STMN1: variants seen among roughly 807,000 people sequenced by gnomAD.
The protein encoded by STMN1 is stathmin 1.
A neutral mutation model predicts 19.7 loss-of-function variants in STMN1; 3 were observed. The ratio of observed to expected loss-of-function variants is 0.15; its 90% CI spans 0.07 to 0.39. The LOEUF (loss-of-function observed/expected upper bound fraction) is 0.39, where lower values mean the gene tolerates loss of function less well. Among genes scored for constraint, STMN1 ranks in the 10% least tolerant of loss-of-function variants. The probability of loss-of-function intolerance (pLI) is 1.00; values close to 1 mark genes in which losing one functional copy is unlikely to be tolerated. For synonymous variants in STMN1, 59 were observed against 58.9 expected (o/e 1.00, Z -0.01); for missense variants, 99 against 176.0 (o/e 0.56, Z 2.48).
At chr1:25,891,204 G>A (rs911290186) in intron 4 of STMN1, among the ~76,000 whole-genome samples, 7 of 151,870 alleles carry the variant, frequency 4.6e-5, no homozygotes, top group African/African-American at 1.7e-4. Flanking sequence ...ATGGTGGCAG[G>A]CACCTGTAAT....
At chr1:25,904,415 C>T (rs767939671) in intron 2 of STMN1, among the ~76,000 whole-genome samples, 3 of 152,242 alleles carry the variant, frequency 2.0e-5, no homozygotes, top group Admixed American at 6.5e-5. Context: ...ATCTGACAAT[C>T]GCTTTCATAA....
chr1:25,885,611 C>G, exon 5 of STMN1: 2 of 1,371,228 alleles, frequency 1.5e-6, no homozygotes, highest in Non-Finnish European at 1.9e-6. Flanking sequence ...GAATCCAAGT[C>G]TGCCTGACCC....
rs538074058 is a variant in STMN1 at position 25,901,602 on chromosome 1, C to T, written c.267G>A (p.Glu89=). ...CTGCCATTTTACTGAAGTTGTTGTT[C>T]TCTTCTATTGCCTTCTGAAGCACTT... is the stretch of plus-strand genomic sequence containing the variant. ...EKEVLQKAIE[E]NNNFSKMAEE... The change falls in exon 4 of 5, where the codon GAG becomes GAA. Residue 89 remains glutamate (E), a synonymous_variant. Transcript: ENST00000455785. 1 of 1,614,082 alleles carries T rather than the reference C, an allele frequency of 6.2e-7. No individual in the cohort carries two copies.
chr1:25,902,203 C>A (rs1004498499), intron 3 of STMN1: 3 of 152,180 alleles, frequency 2.0e-5, no homozygotes, highest in African/African-American at 2.4e-5. Context: ...CTTATCTGTT[C>A]AGAAATCTTA....
intron 4 of STMN1, among the ~76,000 whole-genome samples, chr1:25,894,704 C>T (rs1572296605): frequency 6.6e-6 from 1 of 152,122 alleles, no homozygotes; most frequent in South Asian, 2.1e-4. Flanking sequence ...GACACTGGGG[C>T]TCCAATTTTA....
Position 25,900,958 on chromosome 1 carries a change from A to T in STMN1, c.*58T>A. 6.2e-7 allele frequency: 1 copy of T among 1,612,430 alleles called. No homozygotes were observed. Among genetic ancestry groups the T allele is most frequent in the Non-Finnish European group, 8.5e-7 (1 of 1,179,472 alleles). ...GGGAAAAAATAAAATGACACTGGCCAGTACAGTCTTTGGATATTTAGGAAG... is the reference window on the plus strand; with the variant it reads ...GGGAAAAAATAAAATGACACTGGCCTGTACAGTCTTTGGATATTTAGGAAG... On this transcript the variant is annotated 3_prime_UTR_variant, in exon 5 of 5. Transcript: ENST00000455785.
chr1:25,904,745 ATGATTTTC>A lies in STMN1; in HGVS notation c.-62-15_-62-8del. 6.3e-7 allele frequency: 1 copy of A among 1,592,344 alleles called. No individual in the cohort carries two copies. The highest frequency in any genetic ancestry group is 8.5e-7 in the Non-Finnish European group (1 of 1,172,646). ...AACTGGGATAAGGAAAGTCCTGAAA[ATGATTTTC>A]AAAAACATGCAATCACTTTCTTTGC... On this transcript the variant is annotated splice_region_variant and splice_polypyrimidine_tract_variant and intron_variant, in intron 1 of 4. Transcript: ENST00000455785.
intron 4 of STMN1, chr1:25,887,387 T>G (rs561757148): frequency 6.5e-6 from 2 of 308,382 alleles, no homozygotes; most frequent in East Asian, 1.9e-4. Flanking sequence ...TCCCGAAGCT[T>G]TCCTCAGTGG....
downstream of STMN1, chr1:25,884,695 C>CAAAAA (rs11337126): frequency 1.1e-5 from 1 of 88,706 alleles, no homozygotes; most frequent in Non-Finnish European, 2.2e-5. Context: ...GACTCTGCCT[C>CAAAAA]AAAAAAAAAA....
downstream of STMN1, chr1:25,884,331 G>C (rs766665698): frequency 1.3e-5 from 2 of 152,014 alleles, no homozygotes; most frequent in Non-Finnish European, 2.9e-5. Flanking sequence ...ACTGAGAGAA[G>C]AACTCAGGTC....
At chr1:25,888,536 A>G (rs951150061) in intron 4 of STMN1, among the ~76,000 whole-genome samples, 2 of 152,140 alleles carry the variant, frequency 1.3e-5, no homozygotes, top group Admixed American at 1.3e-4. Flanking sequence ...GTATGGGGTA[A>G]CCTCATCCTC....
Position 25,900,776 on chromosome 1 carries a change from G to A in STMN1, c.*240C>T, listed in dbSNP as rs531365351. The A allele has an allele frequency of 5.7e-5, 76 of 1,325,002 alleles. No homozygotes were observed. In the South Asian group the frequency reaches 1.6e-3, roughly 27 times the overall value. 82.1% of individuals were successfully genotyped at this position (1,325,002 alleles called of 1,614,324 possible). ...CCAAGTGTACTGAAGTAGAAAAGAT[G>A]CAACAAGAAAAATAGCTACATTAGA... is the stretch of plus-strand genomic sequence containing the variant. On this transcript the variant is annotated 3_prime_UTR_variant, in exon 5 of 5. Coordinates refer to ENST00000455785, the MANE Select transcript of STMN1 (RefSeq NM_005563.4).
At chr1:25,890,583 A>G (rs1252072972) in intron 4 of STMN1, among the ~76,000 whole-genome samples, 1 of 152,258 alleles carries the variant, frequency 6.6e-6, no homozygotes, top group Non-Finnish European at 1.5e-5. Context: ...TGTTGGCTCC[A>G]GGTTTCCGGC....
At chr1:25,893,368 CAGG>C (rs2048793045) in intron 4 of STMN1, among the ~76,000 whole-genome samples, 1 of 152,094 alleles carries the variant, frequency 6.6e-6, no homozygotes, top group Admixed American at 6.6e-5. Context: ...CAGGGCCTCT[CAGG>C]AGACCTTCTA....
At chr1:25,901,116 TCAAAA>T in intron 4 of STMN1, 29 bp from the exon 5 acceptor site, 1 of 968,992 alleles carries the variant, frequency 1.0e-6, no homozygotes, top group Non-Finnish European at 1.3e-6. Context: ...GTGTCATCAG[TCAAAA>T]AAAAAAAAAA....
chr1:25,888,091 C>T (rs768896410), intron 4 of STMN1, among the ~76,000 whole-genome samples: 3 of 152,092 alleles, frequency 2.0e-5, no homozygotes, highest in African/African-American at 2.4e-5. Flanking sequence ...CTAGCACAAC[C>T]GCTGGTTAGC....
intron 4 of STMN1, among the ~76,000 whole-genome samples, chr1:25,890,974 C>A (rs1372016235): frequency 1.3e-5 from 2 of 152,116 alleles, no homozygotes; most frequent in South Asian, 2.1e-4. Context: ...CTCTCTGAAC[C>A]TCAGTTTCCT....
At chr1:25,887,444 A>G (rs2048732998) in intron 4 of STMN1, 1 of 389,326 alleles carries the variant, frequency 2.6e-6, no homozygotes, top group South Asian at 2.3e-5. Context: ...GGAATGGAGT[A>G]CAAGGGCTAT....
chr1:25,890,750 G>T (rs2048766877), intron 4 of STMN1, among the ~76,000 whole-genome samples: 1 of 152,186 alleles, frequency 6.6e-6, no homozygotes, highest in South Asian at 2.1e-4. Flanking sequence ...GACACACCCA[G>T]CAGCCCAGGA....
Sources: gnomAD v4.1 joint callset for allele counts (sites outside exome capture counted in the v4.1 genomes callset) on GRCh38, gnomAD v4.1.1 for gene constraint, MANE v1.5 for transcripts, NCBI Gene and HGNC (gene_info 2026-07-23, HGNC 2026-07-21) for gene names.